The following GABBR2 variants were observed in gnomAD, a reference collection of about 807,000 sequenced individuals.
GABBR2 encodes G-protein coupled receptor 51.
GABBR2 carries 23 observed loss-of-function variants against 105.6 expected under a neutral mutation model. The ratio of observed to expected loss-of-function variants is 0.22; its 90% confidence interval spans 0.16 to 0.31. The LOEUF is 0.31. Among genes scored for constraint, GABBR2 ranks in the 10% least tolerant of loss-of-function variants. The pLI is 1.00. For synonymous variants in GABBR2, 478 were observed against 499.7 expected (o/e 0.96, Z 0.58); for missense variants, 734 against 1,245.5 (o/e 0.59, Z 6.18).
At chr9:98,652,044 T>C (rs1368964534) in intron 1 of GABBR2, among the ~76,000 whole-genome samples, 1 of 152,200 alleles carries the variant, frequency 6.6e-6, no homozygotes, top group African/African-American at 2.4e-5. Context: ...TGGACAATTG[T>C]TGAAGCTGGG....
intron 1 of GABBR2, among the ~76,000 whole-genome samples, chr9:98,700,372 C>A (rs1234207306): frequency 6.6e-6 from 1 of 152,160 alleles, no homozygotes; most frequent in Non-Finnish European, 1.5e-5. Context: ...AGCCTTCAAG[C>A]TAAGAGCAAA....
At chr9:98,666,016 T>C (rs1228581477) in intron 1 of GABBR2, among the ~76,000 whole-genome samples, 1 of 152,210 alleles carries the variant, frequency 6.6e-6, no homozygotes, top group East Asian at 1.9e-4. Context: ...TTTGATCCAC[T>C]AACGCAGATC....
chr9:98,364,790 G>A lies in GABBR2; in HGVS notation c.1771-1953C>T, dbSNP rs1358397259. ...TAATTTCTGTATTTTTAGGAGAGAC[G>A]GGGTTTCACCATGTTGACCAGGCTG... On this transcript the variant is annotated intron_variant, in intron 12 of 18. Transcript: ENST00000259455. Among the ~76,000 whole-genome samples, 7 of 152,146 alleles carry A rather than the reference G, an allele frequency of 4.6e-5. No homozygotes were observed. The South Asian group carries it at 1.0e-3, about 23-fold the overall frequency.
chr9:98,691,785 T>C (rs1382335714), intron 1 of GABBR2, among the ~76,000 whole-genome samples: 2 of 152,162 alleles, frequency 1.3e-5, no homozygotes, highest in African/African-American at 4.8e-5. Flanking sequence ...CCACATCTTC[T>C]ACCTCCTGTC....
At chr9:98,314,261 C>T (rs1282847081) in intron 13 of GABBR2, among the ~76,000 whole-genome samples, 1 of 152,198 alleles carries the variant, frequency 6.6e-6, no homozygotes, top group Non-Finnish European at 1.5e-5. Flanking sequence ...GGTTTCCTGA[C>T]ATCCTTTCAT....
intron 12 of GABBR2, among the ~76,000 whole-genome samples, chr9:98,367,475 G>A (rs1831703260): frequency 6.6e-6 from 1 of 151,866 alleles, no homozygotes; most frequent in Admixed American, 6.6e-5. Flanking sequence ...GGGAGAGGAA[G>A]GGAGAAGAGG....
intron 8 of GABBR2, among the ~76,000 whole-genome samples, chr9:98,405,451 C>G (rs1186002355): frequency 6.6e-6 from 1 of 152,074 alleles, no homozygotes; most frequent in Admixed American, 6.5e-5. Context: ...ACCCCAAACC[C>G]CACAACAATG....
chr9:98,699,452 C>T (rs990489958), intron 1 of GABBR2, among the ~76,000 whole-genome samples: 8 of 152,148 alleles, frequency 5.3e-5, no homozygotes, highest in African/African-American at 1.9e-4. Flanking sequence ...CATGGCTTGG[C>T]ATACAAAGCA....
In GABBR2 at chr9:98,290,565, G is replaced by GGGCCCAGGCCTCCCACCCTTACA; in HGVS notation, c.2822_*18dup. Reference sequence around the variant, plus strand: ...GTGGTTCTGTCACGGGGGAGGCCCCGGGCCCAGGCCTCCCACCCTTACAGG... The same window carrying GGGCCCAGGCCTCCCACCCTTACA: ...GTGGTTCTGTCACGGGGGAGGCCCCGGGCCCAGGCCTCCCACCCTTACAGGCCCAGGCCTCCCACCCTTACAGG... On this transcript the variant is annotated 3_prime_UTR_variant, in exon 19 of 19. Transcript: ENST00000259455. The GGGCCCAGGCCTCCCACCCTTACA allele has an allele frequency of 7.4e-7, 1 of 1,358,976 alleles. No individual in the cohort carries two copies. The highest frequency in any genetic ancestry group is 2.3e-5 in the South Asian group (1 of 43,852). The allele number at this position is 1,358,976 out of a possible 1,614,324, so 84.2% of individuals were successfully genotyped here.
Position 98,491,064 on chromosome 9 carries a change from T to A in GABBR2, c.732+5349A>T, listed in dbSNP as rs58067882. On this transcript the variant is annotated intron_variant, in intron 4 of 18. Transcript: ENST00000259455. ...GATGTTATGCCTCCCAATGCTATTG[T>A]GTTTCTGTCAATTTCCGTCTCTATT... 3.8e-3 allele frequency among the ~76,000 whole-genome samples: 585 copies of A among 152,262 alleles called. 3 individuals carry two copies. The highest frequency in any genetic ancestry group is 0.013 in the African/African-American group (547 of 41,552).
chr9:98,530,695 G>T (rs958208553), intron 3 of GABBR2, among the ~76,000 whole-genome samples: 3 of 152,184 alleles, frequency 2.0e-5, no homozygotes, highest in Non-Finnish European at 4.4e-5. Context: ...TGAGCCAGAA[G>T]ATCGCTTGAG....
At chr9:98,290,883 AATC>A in intron 18 of GABBR2, 134 bp from the exon 19 acceptor site, 1 of 510,040 alleles carries the variant, frequency 2.0e-6, no homozygotes, top group Non-Finnish European at 3.3e-6. Context: ...CTGTCCATCC[AATC>A]ATCTAACCAT....
chr9:98,677,432 C>T (rs535329510), intron 1 of GABBR2, among the ~76,000 whole-genome samples: 1 of 152,258 alleles, frequency 6.6e-6, no homozygotes, highest in South Asian at 2.1e-4. Context: ...AGCAGTTTTG[C>T]TGATTTTTCA....
At chr9:98,519,957 G>A (rs1036726272) in intron 3 of GABBR2, among the ~76,000 whole-genome samples, 12 of 152,250 alleles carry the variant, frequency 7.9e-5, no homozygotes, top group African/African-American at 2.9e-4. Context: ...TTCCCTCTAG[G>A]AAGGCTGTGG....
At chr9:98,503,089 A>C (rs950670784) in intron 3 of GABBR2, among the ~76,000 whole-genome samples, 2 of 152,210 alleles carry the variant, frequency 1.3e-5, no homozygotes, top group African/African-American at 2.4e-5. Context: ...GTAAATGTTC[A>C]CTGAGACAAG....
intron 7 of GABBR2, among the ~76,000 whole-genome samples, chr9:98,423,071 C>T (rs1353779303): frequency 3.3e-5 from 5 of 152,098 alleles, no homozygotes; most frequent in Non-Finnish European, 7.4e-5. Flanking sequence ...ACAATAAACA[C>T]ACGTGTGCAT....
chr9:98,447,215 C>G (rs1564072489), intron 7 of GABBR2, among the ~76,000 whole-genome samples: 1 of 141,226 alleles, frequency 7.1e-6, no homozygotes, highest in Non-Finnish European at 1.5e-5. Context: ...GCGCCCGCCA[C>G]TACGCCCGGC....
Position 98,431,927 on chromosome 9 carries a change from G to A in GABBR2, c.1236+22054C>T, listed in dbSNP as rs530854420. Reference sequence around the variant, plus strand: ...TCACTATTTTTTGAGATGGAGTCTCGTTCTGCTGCCCAGGCTGGTGTGTAG... The same window carrying A: ...TCACTATTTTTTGAGATGGAGTCTCATTCTGCTGCCCAGGCTGGTGTGTAG... On this transcript the variant is annotated intron_variant, in intron 7 of 18. Coordinates refer to ENST00000259455, the MANE Select transcript of GABBR2 (RefSeq NM_005458.8). Among the ~76,000 whole-genome samples, 26 of 151,880 alleles carry A rather than the reference G, an allele frequency of 1.7e-4. 1 individual carries two copies. In the East Asian group the frequency reaches 4.1e-3, roughly 24 times the overall value.
intron 2 of GABBR2, among the ~76,000 whole-genome samples, chr9:98,562,803 C>T (rs968239461): frequency 6.6e-6 from 1 of 152,092 alleles, no homozygotes; most frequent in Admixed American, 6.5e-5. Context: ...GGCATTGTGG[C>T]TCACACCTGC....
Sources: gnomAD v4.1 joint callset for allele counts (sites outside exome capture counted in the v4.1 genomes callset) on GRCh38, gnomAD v4.1.1 for gene constraint, MANE v1.5 for transcripts, NCBI Gene and HGNC (gene_info 2026-07-23, HGNC 2026-07-21) for gene names.